Variants in FGD2 observed in about 807,000 individuals in gnomAD.
FGD2 encodes the protein FYVE, RhoGEF and PH domain containing 2.
In FGD2, 52 loss-of-function variants were observed where a neutral mutation model predicts 75.9. That is an observed-to-expected ratio of 0.69 (90% CI 0.55 to 0.86). The LOEUF is 0.86. Among genes scored for constraint, FGD2 ranks in the 40% least tolerant of loss-of-function variants. FGD2 has a pLI of 0.00. For synonymous variants in FGD2, 347 were observed against 348.6 expected (o/e 1.00, Z 0.05); for missense variants, 790 against 872.0 (o/e 0.91, Z 1.18).
chr6:37,008,472 G>A (rs1483960279), intron 1 of FGD2, among the ~76,000 whole-genome samples: 1 of 152,158 alleles, frequency 6.6e-6, no homozygotes, highest in Non-Finnish European at 1.5e-5. Context: ...GGTTACTGAT[G>A]TGGAAACTGA....
Position 37,027,595 on chromosome 6 carries a change from G to A in FGD2, c.1752+20G>A, listed in dbSNP as rs369599492. The A allele has an allele frequency of 1.3e-5, 21 of 1,612,894 alleles. 1 individual carries two copies. In the African/African-American group the frequency reaches 1.9e-4, roughly 14 times the overall value. ...CCTCAGGTAAGGCCACCACCTGCCCGCCCCCCGTCAGGCCCTGGCCTTCCC... is the reference window on the plus strand; with the variant it reads ...CCTCAGGTAAGGCCACCACCTGCCCACCCCCCGTCAGGCCCTGGCCTTCCC... On this transcript the variant is annotated intron_variant, in intron 15 of 15. Coordinates refer to ENST00000274963, the MANE Select transcript of FGD2 (RefSeq NM_173558.4).
In FGD2 at chr6:37,028,991, C is replaced by T. The variant is rs2150787707; in HGVS notation, c.*828C>T. The T allele has an allele frequency of 6.6e-6, 1 of 151,998 alleles. No individual in the cohort carries two copies. The highest frequency in any genetic ancestry group is 1.5e-5 in the Non-Finnish European group (1 of 67,992). The allele number at this position is 151,998 out of a possible 1,614,324, so 9.4% of individuals were successfully genotyped here. A position where few individuals can be genotyped will look rare whatever the true frequency, so the allele number is the denominator to read the frequency against. On this transcript the variant is annotated 3_prime_UTR_variant, in exon 16 of 16. Coordinates refer to ENST00000274963, the MANE Select transcript of FGD2 (RefSeq NM_173558.4). Reference sequence around the variant, plus strand: ...GATGAAGAATAAAGAGAGCAAACTACCACAACCAATGGTTGAGCCCCTGTC... The same window carrying T: ...GATGAAGAATAAAGAGAGCAAACTATCACAACCAATGGTTGAGCCCCTGTC...
intron 15 of FGD2, 33 bp from the exon 16 acceptor site, chr6:37,027,915 G>T: frequency 6.2e-7 from 1 of 1,606,648 alleles, no homozygotes; most frequent in Non-Finnish European, 8.5e-7. Context: ...GACTGAGAGG[G>T]GACAGTGGCC....
chr6:37,013,853 G>A, intron 5 of FGD2, 88 bp downstream of exon 5: 1 of 1,586,898 alleles, frequency 6.3e-7, no homozygotes, highest in Non-Finnish European at 8.6e-7. Context: ...GCATCTCCCA[G>A]GCTCAGCTGC....
intron 6 of FGD2, 169 bp from the exon 7 acceptor site, chr6:37,014,476 TG>T: frequency 2.7e-6 from 2 of 741,778 alleles, no homozygotes; most frequent in Non-Finnish European, 4.3e-6. Flanking sequence ...CTCTCAGCCC[TG>T]GGGGGCTCCC....
intron 3 of FGD2, 38 bp from the exon 4 acceptor site, chr6:37,011,668 C>A: frequency 6.2e-7 from 1 of 1,613,198 alleles, no homozygotes; most frequent in Non-Finnish European, 8.5e-7. Flanking sequence ...GGGTGGCTCC[C>A]TGTCACTGCA....
intron 13 of FGD2, chr6:37,022,867 A>C: frequency 6.4e-6 from 1 of 157,090 alleles, no homozygotes; most frequent in Non-Finnish European, 1.4e-5. Context: ...TTACTACCTC[A>C]TCTGGCCCTC....
intron 6 of FGD2, 174 bp from the exon 7 acceptor site, chr6:37,014,472 G>T: frequency 1.4e-6 from 1 of 723,592 alleles, no homozygotes; most frequent in Non-Finnish European, 2.2e-6. Context: ...CAGTCTCTCA[G>T]CCCTGGGGGG....
chr6:37,010,982 A>G lies in FGD2; in HGVS notation c.310A>G (p.Lys104Glu), dbSNP rs1167098675. Reference protein sequence around the residue: ...LSGSGTQEPEKKIVQELLETE... With the variant: ...LSGSGTQEPEEKIVQELLETE... ...CTCCAATCCTCCGCAGGAGCCAGAG[A>G]AGAAGATCGTCCAGGAGCTGCTGGA... The change falls in exon 3 of 16, where the codon AAG (lysine) becomes GAG (glutamate). Residue 104 changes from lysine (K) to glutamate (E), a missense_variant. Coordinates refer to ENST00000274963, the MANE Select transcript of FGD2 (RefSeq NM_173558.4). 1 of 1,614,092 alleles carries G rather than the reference A, an allele frequency of 6.2e-7. No homozygotes were observed. The highest frequency in any genetic ancestry group is 1.7e-5 in the Admixed American group (1 of 60,006).
intron 9 of FGD2, among the ~76,000 whole-genome samples, chr6:37,019,967 C>T (rs1765494401): frequency 6.6e-6 from 1 of 151,582 alleles, no homozygotes; most frequent in South Asian, 2.1e-4. Flanking sequence ...ATTATTGTGC[C>T]TCAGCCTCCC....
At chr6:37,014,341 C>T (rs1765171110) in intron 6 of FGD2, 1 of 621,736 alleles carries the variant, frequency 1.6e-6, no homozygotes, top group African/African-American at 1.8e-5. Context: ...GGATTTGAAC[C>T]CATGCCTATG....
At chr6:37,017,160 G>A (rs969601193) in intron 9 of FGD2, among the ~76,000 whole-genome samples, 1 of 151,830 alleles carries the variant, frequency 6.6e-6, no homozygotes, top group African/African-American at 2.4e-5. Context: ...CTGTACTTGA[G>A]AGCTTCCTCA....
chr6:37,011,193 A>G, intron 3 of FGD2, 143 bp downstream of exon 3: 2 of 737,202 alleles, frequency 2.7e-6, no homozygotes, highest in South Asian at 1.6e-5. Flanking sequence ...TTTAACCTCA[A>G]TGGCTGGGGT....
At chr6:37,006,287 A>G (rs1764746242) in intron 1 of FGD2, among the ~76,000 whole-genome samples, 1 of 152,216 alleles carries the variant, frequency 6.6e-6, no homozygotes, top group African/African-American at 2.4e-5. Flanking sequence ...GTAAATGCCA[A>G]ATAAAATGTG....
At chr6:37,012,427 A>G (rs1405784750) in intron 4 of FGD2, among the ~76,000 whole-genome samples, 2 of 152,174 alleles carry the variant, frequency 1.3e-5, no homozygotes, top group Non-Finnish European at 1.5e-5. Context: ...TTAAGATAAT[A>G]ATAGCCAGGT....
chr6:37,014,683 C>A lies in FGD2; in HGVS notation c.861C>A (p.Ser287=), dbSNP rs141636165. 2 of 1,614,118 alleles carry A rather than the reference C, an allele frequency of 1.2e-6. No homozygotes were observed. Among genetic ancestry groups the A allele is most frequent in the African/African-American group, 2.7e-5 (2 of 75,046 alleles). The change falls in exon 7 of 16, where the codon TCC becomes TCA. Residue 287 remains serine, a synonymous_variant. Coordinates refer to ENST00000274963, the MANE Select transcript of FGD2 (RefSeq NM_173558.4). Reference sequence around the variant, plus strand: ...TGATCTTCTCAGCTGCCCAGCACTCCAATGCAGCCATCACTGAGATGGTAA... The same window carrying A: ...TGATCTTCTCAGCTGCCCAGCACTCAAATGCAGCCATCACTGAGATGGTAA... ...LDMIFSAAQH[S]NAAITEMERL...
rs769790531 is a variant in FGD2, at chr6:37,025,885, A to T, written c.1552A>T (p.Thr518Ser). Residue 518 changes from threonine to serine, a missense_variant, in exon 14 of 16, where the codon ACT (threonine) becomes TCT (serine). Physicochemically the swap from Thr to Ser is moderately conservative, Grantham distance 58. Coordinates refer to ENST00000274963, the MANE Select transcript of FGD2 (RefSeq NM_173558.4). Reference protein sequence around the residue: ...RVCLHCYAFLTGNVLPEAKED... With the variant: ...RVCLHCYAFLSGNVLPEAKED... ...CTGCCTCCACTGCTACGCATTCCTC[A>T]CTGGAAATGTGCTGCCTGAGGCCAA... 6.2e-7 allele frequency: 1 copy of T among 1,613,950 alleles called. No individual in the cohort carries two copies. The highest frequency in any genetic ancestry group is 2.2e-5 in the East Asian group (1 of 44,862).
intron 6 of FGD2, chr6:37,014,406 G>C (rs1470805261): frequency 1.6e-6 from 1 of 622,200 alleles, no homozygotes; most frequent in Non-Finnish European, 2.8e-6. Context: ...GCTTGTTTTG[G>C]GAAGCAGTGA....
chr6:37,017,104 CTT>C (rs749880104), intron 9 of FGD2, among the ~76,000 whole-genome samples: 6 of 144,268 alleles, frequency 4.2e-5, no homozygotes, highest in African/African-American at 2.5e-5. Context: ...CTGCACTTTG[CTT>C]TTTTTTTTTT....
Sources: allele counts gnomAD v4.1 joint callset (sites outside exome capture counted in the v4.1 genomes callset), GRCh38; gene constraint gnomAD v4.1.1; transcripts MANE v1.5; gene names NCBI Gene and HGNC (gene_info 2026-07-23, HGNC 2026-07-21).